C11orf16: variants seen among roughly 807,000 people sequenced by gnomAD.
The protein encoded by C11orf16 is chromosome 11 open reading frame 16.
In C11orf16, 38 loss-of-function variants were observed where a neutral mutation model predicts 45.1. That is an observed-to-expected ratio of 0.84 (90% CI 0.65 to 1.10). C11orf16 has a LOEUF of 1.10. Ranked by LOEUF, C11orf16 falls within the 50% of genes least tolerant of loss-of-function variation. The pLI is 0.00. For synonymous variants in C11orf16, 221 were observed against 222.0 expected, an observed-to-expected ratio of 1.00 and a Z score of 0.04; for missense variants, 583 against 569.5, an observed-to-expected ratio of 1.02 and a Z score of -0.24.
chr11:8,927,445 C>T, intron 3 of C11orf16: 1 of 514,544 alleles, frequency 1.9e-6, no homozygotes, highest in South Asian at 1.9e-5. Flanking sequence ...CATTCCCTTC[C>T]TTTGCCTGGT....
chr11:8,930,476 G>T (rs1589935704), intron 2 of C11orf16, among the ~76,000 whole-genome samples: 1 of 151,508 alleles, frequency 6.6e-6, no homozygotes, highest in African/African-American at 2.4e-5. Flanking sequence ...ATCCTAAGGC[G>T]GCGTGTGGGA....
At position 8,926,039 on chromosome 11, in the gene C11orf16, C is replaced by G. The variant is rs11042127; in HGVS notation, c.628G>C (p.Val210Leu). Reference protein sequence around the residue: ...GKAAKVPLGGVQSVSLTIWKK... With the variant: ...GKAAKVPLGGLQSVSLTIWKK... Reference sequence around the variant, plus strand: ...CAGATGGTCAGGGACACCGACTGGACCCCACCTAGGGGCACTTTAGCAGCT... The same window carrying G: ...CAGATGGTCAGGGACACCGACTGGAGCCCACCTAGGGGCACTTTAGCAGCT... Residue 210 changes from valine (V) to leucine (L), a missense_variant, in exon 5 of 7, where the codon GTC (valine) becomes CTC (leucine). Physicochemically the swap from Val to Leu is conservative, Grantham distance 32. Coordinates refer to ENST00000326053, the MANE Select transcript of C11orf16 (RefSeq NM_020643.3). The G allele has an allele frequency of 0.19, 301,957 of 1,613,822 alleles. 30,061 individuals are homozygous for G. The highest frequency in any genetic ancestry group is 0.37 in the East Asian group (16,400 of 44,866).
Position 8,925,516 on chromosome 11 carries a change from G to C in C11orf16, c.1151C>G (p.Pro384Arg), listed in dbSNP as rs759175899. 6.2e-7 allele frequency: 1 copy of C among 1,614,212 alleles called. No homozygotes were observed. The highest frequency in any genetic ancestry group is 8.5e-7 in the Non-Finnish European group (1 of 1,180,038). Residue 384 changes from proline (P) to arginine (R), a missense_variant, in exon 5 of 7, where the codon CCT (proline) becomes CGT (arginine). Transcript: ENST00000326053. ...MPLRQSGLCQ[P>R]EWRYWKRNGP... ...GTTTCTCTTCCAATACCTCCACTCA[G>C]GCTGGCAGAGGCCACTCTGTCTCAG...
chr11:8,925,679 C>A lies in C11orf16; in HGVS notation c.988G>T (p.Ala330Ser). 2 of 1,614,256 alleles carry A rather than the reference C, an allele frequency of 1.2e-6. No homozygotes were observed. Among genetic ancestry groups the A allele is most frequent in the Non-Finnish European group, 1.7e-6 (2 of 1,180,038 alleles). ...GPKEEKVAMH[A>S]PLAVSSSSSS... ...GAGGAGGAAGAAACAGCCAGGGGAG[C>A]GTGCATTGCTACTTTCTCCTCTTTA... Residue 330 changes from alanine (A) to serine (S), a missense_variant, in exon 5 of 7, where the codon GCT (alanine) becomes TCT (serine). Ala to Ser is a moderately conservative substitution (Grantham distance 99, BLOSUM62 1). Transcript: ENST00000326053.
intron 5 of C11orf16, 65 bp downstream of exon 5, chr11:8,925,398 T>C: frequency 7.0e-7 from 1 of 1,423,158 alleles, no homozygotes; most frequent in Non-Finnish European, 9.6e-7. Flanking sequence ...AAGGGACATG[T>C]GGGAGGGAAG....
rs143821302 is a variant in C11orf16, at chr11:8,925,463, C to A, written c.1204G>T (p.Gly402Ter). The change falls in exon 5 of 7, where the codon GGA becomes TGA. Residue 402 changes from glycine (G) to a stop codon, truncating the protein, a stop_gained and splice_region_variant. Coordinates refer to ENST00000326053, the MANE Select transcript of C11orf16 (RefSeq NM_020643.3). LOFTEE classifies it high-confidence loss of function. Reference protein sequence around the residue: ...NGPEPCLGKPGTRYSNICKEE... With the variant: ...NGPEPCLGKP ...AAGCAAGCCCACTCCCCTGGTATACCTGGCTTCCCAAGGCATGGCTCAGGC... is the reference window on the plus strand; with the variant it reads ...AAGCAAGCCCACTCCCCTGGTATACATGGCTTCCCAAGGCATGGCTCAGGC... 6.2e-7 allele frequency: 1 copy of A among 1,610,582 alleles called. No individual in the cohort carries two copies. The highest frequency in any genetic ancestry group is 1.1e-5 in the South Asian group (1 of 90,928).
At position 8,920,189 on chromosome 11, in the gene C11orf16, C is replaced by T. The variant is rs538805626; in HGVS notation, c.*284G>A. The T allele has an allele frequency of 1.4e-4, 53 of 377,550 alleles. No homozygotes were observed. The highest frequency in any genetic ancestry group is 2.3e-4 in the Admixed American group (5 of 21,918). The allele number at this position is 377,550 out of a possible 1,614,324, so 23.4% of individuals were successfully genotyped here. A position where few individuals can be genotyped will look rare whatever the true frequency, so the allele number is the denominator to read the frequency against. ...ACACATTTGCCCAAAGCAGGCTGAC[C>T]CCCTCTTCCACGGAAGAGGCATCTT... On this transcript the variant is annotated 3_prime_UTR_variant, in exon 7 of 7. Transcript: ENST00000326053.
At chr11:8,925,371 A>G (rs2064602105) in intron 5 of C11orf16, 92 bp downstream of exon 5, 2 of 1,127,746 alleles carry the variant, frequency 1.8e-6, no homozygotes, top group Non-Finnish European at 2.5e-6. Flanking sequence ...CAGAGTGGAC[A>G]CGTGCATCAA....
intron 5 of C11orf16, among the ~76,000 whole-genome samples, chr11:8,925,049 AC>A (rs2064600537): frequency 6.6e-6 from 1 of 152,158 alleles, no homozygotes; most frequent in Non-Finnish European, 1.5e-5. Flanking sequence ...AATGCTCAAG[AC>A]CAGTTTCTAT....
chr11:8,926,182 T>TCTC (rs2064611678), intron 4 of C11orf16, 75 bp from the exon 5 acceptor site: 1 of 1,271,874 alleles, frequency 7.9e-7, no homozygotes, highest in African/African-American at 1.6e-5. Flanking sequence ...CTTTTTTTCT[T>TCTC]TTCTTTTTTT....
In C11orf16 at chr11:8,931,746, G is replaced by A. The variant is rs540012603; in HGVS notation, c.167+396C>T. 1.1e-4 allele frequency among the ~76,000 whole-genome samples: 17 copies of A among 152,174 alleles called. No individual in the cohort carries two copies. In the South Asian group the frequency reaches 2.9e-3, roughly 26 times the overall value. On this transcript the variant is annotated intron_variant, in intron 2 of 6. Coordinates refer to ENST00000326053, the MANE Select transcript of C11orf16 (RefSeq NM_020643.3). ...TTGCCATGTTGGTCAGACTGGACTC[G>A]AACTCCTGACCTCAAGTGATCTGCT...
In C11orf16 at chr11:8,929,492, G is replaced by T. The variant is rs921301807; in HGVS notation, c.209C>A (p.Ala70Glu). ...TCCCAGCCAGCCAGGCCCCTGCCAT[G>T]CTGGGTCGGCAACGTGGAGACATGG... ...SCPCLHVADP[A>E]WQGPGWLGRA... is the part of the protein sequence containing the mutation. The change falls in exon 3 of 7, where the codon GCA becomes GAA. Residue 70 changes from alanine (A) to glutamate (E), a missense_variant. By Grantham distance (107) the Ala-to-Glu change is moderately radical. Coordinates refer to ENST00000326053, the MANE Select transcript of C11orf16 (RefSeq NM_020643.3). The T allele has an allele frequency of 8.1e-6, 13 of 1,613,972 alleles. No homozygotes were observed. The East Asian group carries it at 2.0e-4, about 25-fold the overall frequency.
intron 3 of C11orf16, among the ~76,000 whole-genome samples, chr11:8,928,703 G>C (rs548174261): frequency 6.6e-6 from 1 of 152,192 alleles, no homozygotes; most frequent in East Asian, 1.9e-4. Context: ...GTCTCACTGT[G>C]TTGCCCAGGC....
chr11:8,927,207 G>A (rs1335474728), intron 3 of C11orf16, 33 bp from the exon 4 acceptor site: 1 of 1,566,454 alleles, frequency 6.4e-7, no homozygotes, highest in South Asian at 1.1e-5. Context: ...AATAAGACCT[G>A]GCATTACAAA....
chr11:8,932,622 A>G (rs1387763394), intron 1 of C11orf16, among the ~76,000 whole-genome samples: 1 of 152,170 alleles, frequency 6.6e-6, no homozygotes, highest in Non-Finnish European at 1.5e-5. Flanking sequence ...TCTGCTCTCC[A>G]GTTACACTCA....
chr11:8,921,346 T>G lies in C11orf16; in HGVS notation c.1374A>C (p.Ala458=). 6.2e-7 allele frequency: 1 copy of G among 1,614,068 alleles called. No homozygotes were observed. Among genetic ancestry groups the G allele is most frequent in the Middle Eastern group, 1.6e-4 (1 of 6,062 alleles). The change falls in exon 6 of 7, where the codon GCA becomes GCC. Residue 458 remains alanine, a synonymous_variant. Transcript: ENST00000326053. ...AEHRKRSQSL[A]ICQWNKNSR is the part of the protein sequence containing the mutation. ...GGGAATTCTTGTTCCACTGACATATTGCAAGGCTCTGACTCCGCTTTCTGT... is the reference window on the plus strand; with the variant it reads ...GGGAATTCTTGTTCCACTGACATATGGCAAGGCTCTGACTCCGCTTTCTGT...
rs1024267509 is a variant in C11orf16, at chr11:8,932,349, C to A, written c.-18-23G>T. 5 of 1,533,558 alleles carry A rather than the reference C, an allele frequency of 3.3e-6. No individual in the cohort carries two copies. The African/African-American group carries it at 6.9e-5, about 21-fold the overall frequency. The allele number at this position is 1,533,558 out of a possible 1,614,324, so 95.0% of individuals were successfully genotyped here. The stretch of plus-strand genomic sequence containing the variant: ...CACCTGAGAATAGGCACCACCATTA[C>A]CTGAGCTGCAGCTTGAAGCAAGCAG... On this transcript the variant is annotated intron_variant, in intron 1 of 6. Coordinates refer to ENST00000326053, the MANE Select transcript of C11orf16 (RefSeq NM_020643.3).
At chr11:8,921,910 C>G (rs1265749600) in intron 5 of C11orf16, among the ~76,000 whole-genome samples, 1 of 152,156 alleles carries the variant, frequency 6.6e-6, no homozygotes, top group Non-Finnish European at 1.5e-5. Context: ...CAAAGTGTTG[C>G]AGTTACAGGT....
At position 8,929,388 on chromosome 11, in the gene C11orf16, C is replaced by G. The variant is rs765071090; in HGVS notation, c.313G>C (p.Ala105Pro). ...DGFYYRAQIK[A>P]TPELERQGVL... ...GGTCAGGGACTTGCCTCGGGAGTGGCCTTTATTTGGGCCCGGTAGTAAAAA... is the reference window on the plus strand; with the variant it reads ...GGTCAGGGACTTGCCTCGGGAGTGGGCTTTATTTGGGCCCGGTAGTAAAAA... Residue 105 changes from alanine (A) to proline (P), a missense_variant, in exon 3 of 7, where the codon GCC (alanine) becomes CCC (proline). Physicochemically the swap from Ala to Pro is conservative, Grantham distance 27 (BLOSUM62 -1). Coordinates refer to ENST00000326053, the MANE Select transcript of C11orf16 (RefSeq NM_020643.3). The G allele has an allele frequency of 6.8e-6, 11 of 1,613,800 alleles. No homozygotes were observed. The highest frequency in any genetic ancestry group is 3.3e-5 in the Admixed American group (2 of 59,976).
Sources: allele counts gnomAD v4.1 joint callset (sites outside exome capture counted in the v4.1 genomes callset), GRCh38; gene constraint gnomAD v4.1.1; transcripts MANE v1.5; gene names NCBI Gene and HGNC (gene_info 2026-07-23, HGNC 2026-07-21).